RBBP8: variants seen among roughly 807,000 people sequenced by gnomAD.
The protein encoded by RBBP8 is DNA endonuclease RBBP8.
In RBBP8, 88 loss-of-function variants were observed where a neutral mutation model predicts 108.3. That is an observed-to-expected ratio of 0.81 (90% CI 0.68 to 0.97). The LOEUF is 0.97. Among genes scored for constraint, RBBP8 ranks in the 50% least tolerant of loss-of-function variants. The probability of loss-of-function intolerance (pLI) is 0.00; values close to 1 mark genes in which losing one functional copy is unlikely to be tolerated. For missense variants in RBBP8, 1,023 were observed against 1,049.0 expected, an observed-to-expected ratio of 0.98 and a Z score of 0.34; for synonymous variants, 332 against 348.2, an observed-to-expected ratio of 0.95 and a Z score of 0.52.
chr18:22,984,433 G>C (rs187637936), intron 7 of RBBP8, among the ~76,000 whole-genome samples: 34 of 152,226 alleles, frequency 2.2e-4, no homozygotes, highest in African/African-American at 8.2e-4. Context: ...ATCCAGGGTG[G>C]AGTACTGTGG....
intron 3 of RBBP8, among the ~76,000 whole-genome samples, chr18:22,918,004 A>AC (rs1353300893): frequency 6.6e-6 from 1 of 151,866 alleles, no homozygotes; most frequent in Admixed American, 6.6e-5. Flanking sequence ...TCTCAAAAAA[A>AC]AAAAAAAAAA....
chr18:22,931,327 G>C (rs550081724), upstream of RBBP8, among the ~76,000 whole-genome samples: 32 of 152,250 alleles, frequency 2.1e-4, no homozygotes, highest in African/African-American at 7.5e-4. Context: ...AAAATGTCTG[G>C]AAATAAAGCC....
intron 5 of RBBP8, among the ~76,000 whole-genome samples, chr18:22,970,570 GTATTAATAA>G (rs1269806036): frequency 6.6e-6 from 1 of 152,136 alleles, no homozygotes; most frequent in Non-Finnish European, 1.5e-5. Flanking sequence ...GGGCAAAAAT[GTATTAATAA>G]TATTCAATCT....
At chr18:22,987,920 C>A (rs116802012) in intron 8 of RBBP8, among the ~76,000 whole-genome samples, 2,458 of 152,310 alleles carry the variant, frequency 0.016, 78 homozygotes, top group African/African-American at 0.057. Context: ...CCTTCAACTT[C>A]AGCATGTCTA....
chr18:23,020,421 CAATAAATA>C (rs557467999), intron 17 of RBBP8, among the ~76,000 whole-genome samples: 81 of 151,742 alleles, frequency 5.3e-4, no homozygotes, highest in Non-Finnish European at 5.2e-4. Context: ...AACTCCATCT[CAATAAATA>C]AATAAATAAA....
intron 3 of RBBP8, among the ~76,000 whole-genome samples, chr18:22,917,854 C>T (rs184352935): frequency 2.4e-4 from 36 of 151,912 alleles, no homozygotes; most frequent in Admixed American, 5.3e-4. Flanking sequence ...CAAAAATTAG[C>T]CAGTGTGGTG....
intron 2 of RBBP8, among the ~76,000 whole-genome samples, chr18:22,942,325 G>A (rs1392517618): frequency 1.3e-5 from 2 of 152,076 alleles, no homozygotes; most frequent in East Asian, 1.9e-4. Context: ...TCTGCTACAC[G>A]TGTTTAGAAT....
intron 15 of RBBP8, among the ~76,000 whole-genome samples, 195 bp downstream of exon 15, chr18:23,001,924 T>C (rs987853440): frequency 5.9e-5 from 9 of 152,194 alleles, no homozygotes; most frequent in African/African-American, 1.7e-4. Flanking sequence ...TTCAGCATTC[T>C]CCTGTACCTT....
chr18:22,942,976 T>A (rs1207888336), intron 2 of RBBP8, among the ~76,000 whole-genome samples: 1 of 152,072 alleles, frequency 6.6e-6, no homozygotes, highest in African/African-American at 2.4e-5. Flanking sequence ...TGAGGCAAAG[T>A]TGAAACACCT....
At chr18:23,016,972 G>C in intron 17 of RBBP8, 48 bp downstream of exon 17, 1 of 1,278,342 alleles carries the variant, frequency 7.8e-7, no homozygotes, top group Non-Finnish European at 1.1e-6. Flanking sequence ...CGGCTTTATA[G>C]ATAATAAATG....
At chr18:22,987,765 C>A (rs1307894797) in intron 8 of RBBP8, among the ~76,000 whole-genome samples, 4 of 152,196 alleles carry the variant, frequency 2.6e-5, no homozygotes, top group Non-Finnish European at 5.9e-5. Context: ...CACTTTCTCT[C>A]TCTTCCTGGA....
upstream of RBBP8, chr18:22,933,255 C>T (rs2144369360): frequency 6.6e-6 from 1 of 152,336 alleles, no homozygotes; most frequent in East Asian, 1.9e-4. Context: ...AGAGCCCGCT[C>T]CTCAGCTAGG....
intron 3 of RBBP8, among the ~76,000 whole-genome samples, chr18:22,924,361 T>C (rs1452148749): frequency 6.6e-6 from 1 of 152,122 alleles, no homozygotes; most frequent in African/African-American, 2.4e-5. Flanking sequence ...TCTCTTGACC[T>C]CATGATCTGC....
intron 5 of RBBP8, among the ~76,000 whole-genome samples, chr18:22,969,343 G>A (rs1913893706): frequency 1.3e-5 from 2 of 151,944 alleles, no homozygotes; most frequent in African/African-American, 4.8e-5. Context: ...ACTATTTTCA[G>A]TTTATTCTCC....
chr18:22,990,589 A>C (rs1397032635), intron 9 of RBBP8, among the ~76,000 whole-genome samples: 1 of 152,200 alleles, frequency 6.6e-6, no homozygotes, highest in African/African-American at 2.4e-5. Context: ...AGTGATATTT[A>C]GTACATTCAT....
At chr18:23,016,347 C>T (rs2046255257) in intron 16 of RBBP8, among the ~76,000 whole-genome samples, 1 of 152,052 alleles carries the variant, frequency 6.6e-6, no homozygotes, top group East Asian at 1.9e-4. Flanking sequence ...GAGTTCAAGA[C>T]TAGCCTGGCC....
intron 5 of RBBP8, among the ~76,000 whole-genome samples, chr18:22,973,308 C>A (rs991361796): frequency 2.6e-5 from 4 of 152,046 alleles, no homozygotes; most frequent in Non-Finnish European, 5.9e-5. Context: ...GTTAGTGACA[C>A]CCTTTCTGGC....
chr18:22,919,219 G>A (rs924079003), intron 3 of RBBP8, among the ~76,000 whole-genome samples: 1 of 152,120 alleles, frequency 6.6e-6, no homozygotes, highest in African/African-American at 2.4e-5. Context: ...AGAATACCAC[G>A]ACAAACATTC....
At chr18:22,972,427 TTTTAGAGATGGATTC>T (rs1184546619) in intron 5 of RBBP8, among the ~76,000 whole-genome samples, 2 of 151,022 alleles carry the variant, frequency 1.3e-5, no homozygotes, top group Non-Finnish European at 3.0e-5. Flanking sequence ...TTTTTTTTTT[TTTTAGAGATGGATTC>T]TTGCTCTGTC....
Sources: allele counts gnomAD v4.1 joint callset (sites outside exome capture counted in the v4.1 genomes callset), GRCh38; gene constraint gnomAD v4.1.1; transcripts MANE v1.5; gene names NCBI Gene and HGNC (gene_info 2026-07-23, HGNC 2026-07-21).